The following FAM162B variants were observed in gnomAD, a reference collection of about 807,000 sequenced individuals.
FAM162B encodes family with sequence similarity 162 member B.
A neutral mutation model predicts 20.0 loss-of-function variants in FAM162B; 16 were observed. The ratio of observed to expected loss-of-function variants is 0.80; its 90% CI spans 0.54 to 1.21. The LOEUF (loss-of-function observed/expected upper bound fraction) is 1.21. FAM162B is among the 50% of genes most tolerant of loss of function. The pLI is 0.00. For missense variants in FAM162B, 260 were observed against 227.5 expected (o/e 1.14, Z -0.92); for synonymous variants, 83 against 89.7 (o/e 0.93, Z 0.42).
intron 2 of FAM162B, 71 bp downstream of exon 2, chr6:116,765,076 G>T: frequency 6.7e-7 from 1 of 1,487,142 alleles, no homozygotes; most frequent in Non-Finnish European, 9.3e-7. Context: ...GGCCGCGGTC[G>T]GAAGGTGGGT....
intron 3 of FAM162B, among the ~76,000 whole-genome samples, chr6:116,753,439 G>A (rs1207462384): frequency 6.6e-6 from 1 of 152,152 alleles, no homozygotes; most frequent in African/African-American, 2.4e-5. Flanking sequence ...GAGATACTGA[G>A]GAGTGCTCCA....
chr6:116,757,659 G>A lies in FAM162B; in HGVS notation c.390+4318C>T, dbSNP rs565149736. On this transcript the variant is annotated intron_variant, in intron 3 of 3. Coordinates refer to ENST00000368557, the MANE Select transcript of FAM162B (RefSeq NM_001085480.3). The stretch of plus-strand genomic sequence containing the variant: ...AGATACTTAGGAGGCTGAGCCTGCA[G>A]AATCCCTTGAGCCTGGCAGGCAGAG... Among the ~76,000 whole-genome samples the A allele has an allele frequency of 9.3e-5, 14 of 150,366 alleles. No homozygotes were observed. In the South Asian group the frequency reaches 1.9e-3, roughly 20 times the overall value.
At chr6:116,765,368 T>A in intron 1 of FAM162B, 37 bp downstream of exon 1, 1 of 1,508,424 alleles carries the variant, frequency 6.6e-7, no homozygotes, top group Non-Finnish European at 8.9e-7. Context: ...CGCAACCTCC[T>A]CCCTCCCAGG....
intron 3 of FAM162B, among the ~76,000 whole-genome samples, chr6:116,754,080 T>C (rs1780025244): frequency 6.6e-6 from 1 of 152,224 alleles, no homozygotes; most frequent in Admixed American, 6.5e-5. Flanking sequence ...TCCAGTGTTT[T>C]TCATATATCC....
chr6:116,756,378 A>C (rs1456254472), intron 3 of FAM162B, among the ~76,000 whole-genome samples: 1 of 152,210 alleles, frequency 6.6e-6, no homozygotes, highest in Non-Finnish European at 1.5e-5. Flanking sequence ...ACAAAATTGA[A>C]TTGCTATAAT....
At position 116,752,714 on chromosome 6, in the gene FAM162B, AT is replaced by A; in HGVS notation, c.391-20del. ...CTACAGCCTGTGGGGGGGAAGAAAT[AT>A]ATATATATATATATATATAGATACA... is the stretch of plus-strand genomic sequence containing the variant. On this transcript the variant is annotated intron_variant, in intron 3 of 3. Coordinates refer to ENST00000368557, the MANE Select transcript of FAM162B (RefSeq NM_001085480.3). 8.1e-6 allele frequency: 1 copy of A among 123,560 alleles called. No individual in the cohort carries two copies. Among genetic ancestry groups the A allele is most frequent in the Non-Finnish European group, 1.2e-5 (1 of 82,570 alleles). The allele number at this position is 123,560 out of a possible 1,614,324, so 7.7% of individuals were successfully genotyped here.
chr6:116,758,507 C>T (rs1780078676), intron 3 of FAM162B, among the ~76,000 whole-genome samples: 2 of 146,434 alleles, frequency 1.4e-5, no homozygotes, highest in Admixed American at 6.7e-5. Context: ...TTGTATTTTT[C>T]CTAGTTTGTC....
At chr6:116,759,881 T>TC (rs1163575448) in intron 3 of FAM162B, among the ~76,000 whole-genome samples, 1 of 152,042 alleles carries the variant, frequency 6.6e-6, no homozygotes, top group Non-Finnish European at 1.5e-5. Context: ...GTTCTTTCCT[T>TC]CCCCCGGTCT....
chr6:116,765,664 G>C lies in FAM162B; in HGVS notation c.-88C>G. 1 of 1,234,864 alleles carries C rather than the reference G, an allele frequency of 8.1e-7. No homozygotes were observed. Among genetic ancestry groups the C allele is most frequent in the Non-Finnish European group, 1.0e-6 (1 of 987,594 alleles). The allele number at this position is 1,234,864 out of a possible 1,614,324, so 76.5% of individuals were successfully genotyped here. On this transcript the variant is annotated 5_prime_UTR_variant, in exon 1 of 4. Coordinates refer to ENST00000368557, the MANE Select transcript of FAM162B (RefSeq NM_001085480.3). ...AGCTCTCCTCGTCCCGCCCCGGCCT[G>C]CCGCGCGCTGGAGAGCCTGGGACGT... is the stretch of plus-strand genomic sequence containing the variant.
At chr6:116,759,891 T>G (rs988896686) in intron 3 of FAM162B, among the ~76,000 whole-genome samples, 2 of 152,140 alleles carry the variant, frequency 1.3e-5, no homozygotes, top group African/African-American at 4.8e-5. Context: ...TCCCCCGGTC[T>G]TCTCATGGCT....
chr6:116,765,443 CTGGAGTAGCAGGGGAG>C lies in FAM162B; in HGVS notation c.118_133del (p.Leu40AlafsTer53). 1 of 1,449,224 alleles carries C rather than the reference CTGGAGTAGCAGGGGAG, an allele frequency of 6.9e-7. No homozygotes were observed. The highest frequency in any genetic ancestry group is 9.1e-7 in the Non-Finnish European group (1 of 1,100,920). The allele number at this position is 1,449,224 out of a possible 1,614,324, so 89.8% of individuals were successfully genotyped here. A position where few individuals can be genotyped will look rare whatever the true frequency, so the allele number is the denominator to read the frequency against. On this transcript the variant is annotated frameshift_variant, in exon 1 of 4. Coordinates refer to ENST00000368557, the MANE Select transcript of FAM162B (RefSeq NM_001085480.3). LOFTEE classifies it high-confidence loss of function. ...CCCAGAATTGCTGGGGGCCCCGCCG[CTGGAGTAGCAGGGGAG>C]ACCCCGGGGCGGAAGAGCCGGTGCG...
intron 3 of FAM162B, among the ~76,000 whole-genome samples, chr6:116,759,916 C>A (rs1462352073): frequency 6.6e-6 from 1 of 152,156 alleles, no homozygotes; most frequent in East Asian, 1.9e-4. Context: ...TATTCTCATC[C>A]TCCTCAGAGA....
intron 2 of FAM162B, among the ~76,000 whole-genome samples, chr6:116,764,735 C>T (rs1274399118): frequency 6.6e-6 from 1 of 152,172 alleles, no homozygotes; most frequent in Non-Finnish European, 1.5e-5. Context: ...AGAACCCCTT[C>T]CTTGGGTGGG....
rs1771901281 is a variant in FAM162B, at chr6:116,765,611, C to T, written c.-35G>A. 1.5e-6 allele frequency: 2 copies of T among 1,290,502 alleles called. No homozygotes were observed. The highest frequency in any genetic ancestry group is 2.0e-6 in the Non-Finnish European group (2 of 1,024,736). The allele number at this position is 1,290,502 out of a possible 1,614,324, so 79.9% of individuals were successfully genotyped here. A position where few individuals can be genotyped will look rare whatever the true frequency, so the allele number is the denominator to read the frequency against. On this transcript the variant is annotated 5_prime_UTR_variant, in exon 1 of 4. Transcript: ENST00000368557. ...TTGTCCCGCGCCGCACCCGCACCTC[C>T]GGACCCAGCCACAGGCGTTGTCCCC...
chr6:116,764,813 C>G (rs1771876784), intron 2 of FAM162B, among the ~76,000 whole-genome samples: 1 of 152,182 alleles, frequency 6.6e-6, no homozygotes. Flanking sequence ...CGGATGCTCG[C>G]GAGGACCGTG....
chr6:116,757,252 T>C (rs1466883846), intron 3 of FAM162B, among the ~76,000 whole-genome samples: 1 of 152,222 alleles, frequency 6.6e-6, no homozygotes, highest in Non-Finnish European at 1.5e-5. Flanking sequence ...GTATTTCTTT[T>C]ACTGGATCTA....
At chr6:116,755,983 T>C (rs922484205) in intron 3 of FAM162B, among the ~76,000 whole-genome samples, 7 of 152,202 alleles carry the variant, frequency 4.6e-5, no homozygotes, top group African/African-American at 7.2e-5. Context: ...CTTATGGATA[T>C]TTACAAGGAG....
At chr6:116,764,753 G>A (rs898322886) in intron 2 of FAM162B, among the ~76,000 whole-genome samples, 2 of 152,174 alleles carry the variant, frequency 1.3e-5, no homozygotes, top group African/African-American at 4.8e-5. Flanking sequence ...GGGGTAGGGG[G>A]ACGCCCCCGG....
At chr6:116,764,763 G>A (rs1371500806) in intron 2 of FAM162B, among the ~76,000 whole-genome samples, 1 of 152,154 alleles carries the variant, frequency 6.6e-6, no homozygotes, top group Non-Finnish European at 1.5e-5. Flanking sequence ...GACGCCCCCG[G>A]CCAAAGCCTG....
Sources: allele counts gnomAD v4.1 joint callset (sites outside exome capture counted in the v4.1 genomes callset), GRCh38; gene constraint gnomAD v4.1.1; transcripts MANE v1.5; gene names NCBI Gene and HGNC (gene_info 2026-07-23, HGNC 2026-07-21).